Variants in SGO2 observed in about 807,000 individuals in gnomAD.
SGO2 encodes the protein shugoshin-like 2.
Under a neutral mutation model 99.5 loss-of-function variants are expected in SGO2, and 68 were observed. That is an observed-to-expected ratio of 0.68 (90% CI 0.56 to 0.84). The LOEUF is 0.84. SGO2 is among the 40% of genes least tolerant of loss of function. The probability of loss-of-function intolerance (pLI) is 0.00; values close to 1 mark genes in which losing one functional copy is unlikely to be tolerated. For missense variants in SGO2, 1,350 were observed against 1,436.7 expected (o/e 0.94, Z 0.97); for synonymous variants, 457 against 487.1 (o/e 0.94, Z 0.81).
chr2:200,532,088 G>A (rs1013111117), intron 1 of SGO2, among the ~76,000 whole-genome samples: 1 of 152,136 alleles, frequency 6.6e-6, no homozygotes, highest in African/African-American at 2.4e-5. Flanking sequence ...GGAATGTGTA[G>A]CACTTAGGGG....
chr2:200,583,357 C>G, intron 8 of SGO2, 92 bp from the exon 9 acceptor site: 1 of 1,049,524 alleles, frequency 9.5e-7, no homozygotes, highest in Non-Finnish European at 1.4e-6. Flanking sequence ...TTCTTTTCTA[C>G]TGATATGATG....
chr2:200,551,732 C>T (rs957315311), intron 5 of SGO2, among the ~76,000 whole-genome samples: 7 of 151,784 alleles, frequency 4.6e-5, no homozygotes, highest in African/African-American at 1.5e-4. Context: ...GACCTTGTAT[C>T]ATTTATTGAA....
intron 5 of SGO2, among the ~76,000 whole-genome samples, chr2:200,562,524 T>A (rs1008943631): frequency 2.0e-5 from 3 of 152,206 alleles, no homozygotes; most frequent in African/African-American, 7.2e-5. Context: ...GGCTTAGGAT[T>A]GTCTTGGCAA....
intron 5 of SGO2, among the ~76,000 whole-genome samples, chr2:200,549,279 C>A (rs1438352870): frequency 6.6e-6 from 1 of 151,708 alleles, no homozygotes; most frequent in Non-Finnish European, 1.5e-5. Context: ...AACACCCTGT[C>A]TCAAAAAAAG....
At chr2:200,532,886 T>G (rs1324224112) in intron 1 of SGO2, 88 bp from the exon 2 acceptor site, 1 of 1,302,042 alleles carries the variant, frequency 7.7e-7, no homozygotes, top group Non-Finnish European at 1.1e-6. Flanking sequence ...GTATATTAAG[T>G]CATGATTGTT....
At position 200,532,272 on chromosome 2, in the gene SGO2, G is replaced by GTTT. The variant is rs58961852; in HGVS notation, c.-2-693_-2-691dup. 414 of 187,650 alleles carry GTTT rather than the reference G, an allele frequency of 2.2e-3. 24 individuals carry two copies. Among genetic ancestry groups the GTTT allele is most frequent in the African/African-American group, 0.01 (337 of 32,984 alleles). 11.6% of individuals were successfully genotyped at this position (187,650 alleles called of 1,614,324 possible). On this transcript the variant is annotated intron_variant, in intron 1 of 8. Coordinates refer to ENST00000357799, the MANE Select transcript of SGO2 (RefSeq NM_152524.6). ...GCAGGTGCAGGTGACAGAGTTTTTT[G>GTTT]TTTTTTTTTTTGTTTTTTTTTTTTT...
chr2:200,556,604 T>C (rs1405124574), intron 5 of SGO2, among the ~76,000 whole-genome samples: 1 of 152,142 alleles, frequency 6.6e-6, no homozygotes. Context: ...ATCACACAGA[T>C]ATCAACCAGA....
In SGO2 at chr2:200,526,575, T is replaced by G. The variant is rs2031103268; in HGVS notation, c.-3+323T>G. Among the ~76,000 whole-genome samples the G allele has an allele frequency of 6.6e-6, 1 of 152,140 alleles. No individual in the cohort carries two copies. The highest frequency in any genetic ancestry group is 2.1e-4 in the South Asian group (1 of 4,824). On this transcript the variant is annotated intron_variant, in intron 1 of 8. Coordinates refer to ENST00000357799, the MANE Select transcript of SGO2 (RefSeq NM_152524.6). This position sits in a 1 kb window ranked among gnomAD's most constrained non-coding sequence, Gnocchi z 4.8. Reference sequence around the variant, plus strand: ...CTGCTCTACTCCCTTGAACAGTTTCTAGGGCATTGTGAGCGCTCAGTACGT... The same window carrying G: ...CTGCTCTACTCCCTTGAACAGTTTCGAGGGCATTGTGAGCGCTCAGTACGT...
chr2:200,564,761 T>C (rs2033119492), intron 5 of SGO2, among the ~76,000 whole-genome samples: 1 of 152,218 alleles, frequency 6.6e-6, no homozygotes, highest in South Asian at 2.1e-4. Flanking sequence ...TGGTTGCATA[T>C]ATATTTAGGA....
rs2033376609 is a variant in SGO2 at position 200,570,664 on chromosome 2, A to C, written c.704-386A>C. Among the ~76,000 whole-genome samples the C allele has an allele frequency of 6.6e-6, 1 of 151,534 alleles. No homozygotes were observed. The highest frequency in any genetic ancestry group is 3.4e-3 in the Middle Eastern group (1 of 290). On this transcript the variant is annotated intron_variant, in intron 6 of 8. Coordinates refer to ENST00000357799, the MANE Select transcript of SGO2 (RefSeq NM_152524.6). This position sits in a 1 kb window ranked among gnomAD's most constrained non-coding sequence, Gnocchi z 4.4. The stretch of plus-strand genomic sequence containing the variant: ...AATATATGTATATATAATTTATATA[A>C]ATTTTAGCTGCCTGTTGATAGTCTT...
intron 8 of SGO2, among the ~76,000 whole-genome samples, chr2:200,577,867 T>G (rs1421552648): frequency 6.6e-6 from 1 of 152,214 alleles, no homozygotes; most frequent in Non-Finnish European, 1.5e-5. Context: ...GTCAGTGTGT[T>G]TCATTACTAG....
chr2:200,536,384 T>G (rs2031691365), intron 4 of SGO2, among the ~76,000 whole-genome samples: 1 of 152,158 alleles, frequency 6.6e-6, no homozygotes, highest in Non-Finnish European at 1.5e-5. Context: ...TGGAACATAC[T>G]GGCTCCTAAA....
At chr2:200,574,644 AT>A (rs35850014) in intron 7 of SGO2, among the ~76,000 whole-genome samples, 7 of 151,880 alleles carry the variant, frequency 4.6e-5, no homozygotes, top group Non-Finnish European at 5.9e-5. Flanking sequence ...TTTACTTTTT[AT>A]TTTTTTCCCA....
intron 5 of SGO2, among the ~76,000 whole-genome samples, chr2:200,546,577 C>G (rs538576275): frequency 6.6e-6 from 1 of 151,690 alleles, no homozygotes. Context: ...TTTCTTGGAC[C>G]AAGAATTCTA....
At chr2:200,548,115 A>G (rs762227642) in intron 5 of SGO2, among the ~76,000 whole-genome samples, 2 of 149,134 alleles carry the variant, frequency 1.3e-5, no homozygotes, top group Non-Finnish European at 3.0e-5. Context: ...AAGAAACAGC[A>G]TAAACTGCAC....
chr2:200,535,311 CA>C (rs1407552046), intron 3 of SGO2, 140 bp downstream of exon 3: 2 of 681,606 alleles, frequency 2.9e-6, no homozygotes, highest in Non-Finnish European at 4.6e-6. Flanking sequence ...AAGTCTATGT[CA>C]AAGTACAAAC....
In SGO2 at chr2:200,542,577, A is replaced by C. The variant is rs1020178418; in HGVS notation, c.388-2A>C. On this transcript the variant is annotated splice_acceptor_variant, in intron 4 of 8. Coordinates refer to ENST00000357799, the MANE Select transcript of SGO2 (RefSeq NM_152524.6). LOFTEE classifies it high-confidence loss of function. ...TGTTTTCTTTATTTTTTTCAAAAAT[A>C]GTTCCATCAGAGTTCCTTTCTACTG... 1.2e-6 allele frequency: 2 copies of C among 1,608,104 alleles called. No individual in the cohort carries two copies. Among genetic ancestry groups the C allele is most frequent in the Non-Finnish European group, 1.7e-6 (2 of 1,177,454 alleles).
chr2:200,536,571 A>G (rs191922217), intron 4 of SGO2, among the ~76,000 whole-genome samples: 37 of 152,288 alleles, frequency 2.4e-4, no homozygotes, highest in African/African-American at 8.9e-4. Flanking sequence ...TAAATTTCCC[A>G]AATGCTTTTC....
In SGO2 at chr2:200,542,250, A is replaced by G. The variant is rs570346575; in HGVS notation, c.388-329A>G. The stretch of plus-strand genomic sequence containing the variant: ...AAAAGATGTATTATAAAATTCAATA[A>G]AATATTGCATAATACATATGTAGAC... On this transcript the variant is annotated intron_variant, in intron 4 of 8. Coordinates refer to ENST00000357799, the MANE Select transcript of SGO2 (RefSeq NM_152524.6). 2.0e-3 allele frequency among the ~76,000 whole-genome samples: 307 copies of G among 152,334 alleles called. 1 individual carries two copies. Among genetic ancestry groups the G allele is most frequent in the African/African-American group, 6.9e-3 (289 of 41,584 alleles).
Sources: allele counts gnomAD v4.1 joint callset (sites outside exome capture counted in the v4.1 genomes callset), GRCh38; gene constraint gnomAD v4.1.1; non-coding constraint Gnocchi (gnomAD v3.1); transcripts MANE v1.5; gene names NCBI Gene and HGNC (gene_info 2026-07-23, HGNC 2026-07-21).